Variants in DCC observed in about 807,000 individuals in gnomAD.
DCC encodes netrin receptor DCC.
DCC carries 58 observed loss-of-function variants against 172.5 expected under a neutral mutation model. The ratio of observed to expected loss-of-function variants is 0.34; its 90% confidence interval spans 0.27 to 0.42. DCC has a LOEUF of 0.42. Ranked by LOEUF, DCC falls within the 10% of genes least tolerant of loss-of-function variation. The pLI is 1.00. For missense variants in DCC, 1,740 were observed against 1,791.0 expected (o/e 0.97, Z 0.51); for synonymous variants, 709 against 644.5 (o/e 1.10, Z -1.52).
At chr18:53,392,026 A>T in intron 17 of DCC, 139 bp downstream of exon 17, 2 of 677,170 alleles carry the variant, frequency 3.0e-6, no homozygotes, top group Non-Finnish European at 5.4e-6. Context: ...TTAATAACTC[A>T]ATATCTAAGA....
chr18:52,428,204 C>A (rs1987506417), intron 1 of DCC, among the ~76,000 whole-genome samples: 1 of 152,014 alleles, frequency 6.6e-6, no homozygotes, highest in Admixed American at 6.6e-5. Flanking sequence ...TTTCTGATTT[C>A]TTTCCCTGAG....
intron 1 of DCC, among the ~76,000 whole-genome samples, chr18:52,448,564 T>G (rs181753453): frequency 1.3e-5 from 2 of 152,262 alleles, no homozygotes; most frequent in East Asian, 1.9e-4. Context: ...TTTCTAAGAT[T>G]TATCTGCCCA....
intron 1 of DCC, among the ~76,000 whole-genome samples, chr18:52,531,079 C>T (rs2032135324): frequency 6.6e-6 from 1 of 152,140 alleles, no homozygotes; most frequent in Non-Finnish European, 1.5e-5. Context: ...TTGGGGTACC[C>T]TTCTAAGCAT....
chr18:52,451,452 C>T (rs549191944), intron 1 of DCC, among the ~76,000 whole-genome samples: 24 of 152,256 alleles, frequency 1.6e-4, no homozygotes, highest in African/African-American at 3.8e-4. Context: ...GAGCCTCACA[C>T]GCCCGGTAGC....
chr18:53,281,094 T>C (rs1022977323), intron 12 of DCC, among the ~76,000 whole-genome samples: 1 of 152,162 alleles, frequency 6.6e-6, no homozygotes, highest in African/African-American at 2.4e-5. Context: ...CTTGAAATTG[T>C]GATTTAATAA....
At chr18:52,551,966 T>C (rs560138509) in intron 1 of DCC, among the ~76,000 whole-genome samples, 1 of 151,530 alleles carries the variant, frequency 6.6e-6, no homozygotes, top group African/African-American at 2.4e-5. Flanking sequence ...GGATTTGGTG[T>C]GGGGGGTATT....
In DCC at chr18:53,531,208, C is replaced by T. The variant is rs1479122301; in HGVS notation, c.*555C>T. On this transcript the variant is annotated 3_prime_UTR_variant, in exon 29 of 29. Transcript: ENST00000442544. Reference sequence around the variant, plus strand: ...GTAAACAAACAAAAGGCAGAGAATGCTTATGTTTGTAACTCAGTCATTCAT... The same window carrying T: ...GTAAACAAACAAAAGGCAGAGAATGTTTATGTTTGTAACTCAGTCATTCAT... 1.2e-5 allele frequency: 2 copies of T among 169,452 alleles called. No homozygotes were observed. Among genetic ancestry groups the T allele is most frequent in the East Asian group, 2.9e-4 (2 of 7,012 alleles). 10.5% of individuals were successfully genotyped at this position (169,452 alleles called of 1,614,324 possible). A position where few individuals can be genotyped will look rare whatever the true frequency, so the allele number is the denominator to read the frequency against.
chr18:53,498,561 GAAAA>G (rs10686831), intron 26 of DCC, among the ~76,000 whole-genome samples: 67 of 139,806 alleles, frequency 4.8e-4, no homozygotes, highest in Non-Finnish European at 1.1e-4. Flanking sequence ...GTGTTCTCTG[GAAAA>G]AAAAAAAAAA....
intron 2 of DCC, among the ~76,000 whole-genome samples, chr18:52,894,034 T>A (rs1334533910): frequency 1.3e-5 from 2 of 152,178 alleles, no homozygotes; most frequent in East Asian, 3.8e-4. Flanking sequence ...ATTCACTGTT[T>A]TTTCTTTACA....
chr18:52,350,979 C>T (rs2144243920), intron 1 of DCC, among the ~76,000 whole-genome samples: 2 of 152,120 alleles, frequency 1.3e-5, no homozygotes, highest in South Asian at 4.1e-4. Flanking sequence ...ATATGCTAAT[C>T]AAATACATAT....
At chr18:52,899,947 A>T (rs147009273) in intron 2 of DCC, among the ~76,000 whole-genome samples, 23 of 152,332 alleles carry the variant, frequency 1.5e-4, no homozygotes, top group South Asian at 1.0e-3. Flanking sequence ...AGTATTTGCC[A>T]TACACCATGC....
intron 1 of DCC, among the ~76,000 whole-genome samples, chr18:52,739,089 T>C (rs1325240409): frequency 6.6e-6 from 1 of 151,868 alleles, no homozygotes; most frequent in African/African-American, 2.4e-5. Flanking sequence ...ACGTGAGTAA[T>C]ATGTTGCGCT....
intron 1 of DCC, among the ~76,000 whole-genome samples, chr18:52,437,260 A>AAG (rs1987826139): frequency 6.6e-6 from 1 of 152,198 alleles, no homozygotes; most frequent in Admixed American, 6.5e-5. Flanking sequence ...CAGAGGCATG[A>AAG]AGAGAGAGTG....
At chr18:52,548,159 A>G (rs1478119683) in intron 1 of DCC, among the ~76,000 whole-genome samples, 1 of 152,110 alleles carries the variant, frequency 6.6e-6, no homozygotes, top group Non-Finnish European at 1.5e-5. Flanking sequence ...TTCCTTTTAC[A>G]ACATTGGACT....
intron 27 of DCC, among the ~76,000 whole-genome samples, chr18:53,520,530 G>C (rs186446649): frequency 6.6e-6 from 1 of 152,132 alleles, no homozygotes; most frequent in Admixed American, 6.6e-5. Flanking sequence ...CAGAGATGCA[G>C]ACCAGAAAAT....
intron 1 of DCC, among the ~76,000 whole-genome samples, chr18:52,592,779 G>A (rs556585721): frequency 5.9e-5 from 9 of 152,240 alleles, no homozygotes; most frequent in South Asian, 4.1e-4. Context: ...GATTACAGGC[G>A]TGTGCTTCCA....
chr18:53,390,427 C>T (rs1908474845), intron 16 of DCC, among the ~76,000 whole-genome samples: 1 of 152,102 alleles, frequency 6.6e-6, no homozygotes, highest in South Asian at 2.1e-4. Context: ...CCAGCAGTCA[C>T]TCCACTTTAA....
At position 52,958,254 on chromosome 18, in the gene DCC, AT is replaced by A. The variant is rs924912376; in HGVS notation, c.985+32891del. Among the ~76,000 whole-genome samples, 17 of 151,774 alleles carry A rather than the reference AT, an allele frequency of 1.1e-4. No homozygotes were observed. In the East Asian group the frequency reaches 1.2e-3, roughly 10 times the overall value. On this transcript the variant is annotated intron_variant, in intron 5 of 28. Transcript: ENST00000442544. ...ATCTTTTAGTTTTTTTATAATCTGC[AT>A]TTTTTTGTGGTAACAATCTATCAAA... is the stretch of plus-strand genomic sequence containing the variant.
chr18:52,584,005 A>C (rs1422764459), intron 1 of DCC, among the ~76,000 whole-genome samples: 2 of 152,216 alleles, frequency 1.3e-5, no homozygotes, highest in Non-Finnish European at 2.9e-5. Flanking sequence ...TGAATGTTTC[A>C]GAATTTGTGT....
Sources: allele counts gnomAD v4.1 joint callset (sites outside exome capture counted in the v4.1 genomes callset), GRCh38; gene constraint gnomAD v4.1.1; transcripts MANE v1.5; gene names NCBI Gene and HGNC (gene_info 2026-07-23, HGNC 2026-07-21).